Variants in MALL observed in about 807,000 individuals in gnomAD.
The protein encoded by MALL is mal, T cell differentiation protein like.
In MALL, 2 loss-of-function variants were observed where a neutral mutation model predicts 10.3. The ratio of observed to expected loss-of-function variants is 0.19; its 90% CI spans 0.08 to 0.61. The LOEUF is 0.61. Among genes scored for constraint, MALL ranks in the 20% least tolerant of loss-of-function variants. The pLI is 0.88. For synonymous variants in MALL, 27 were observed against 51.8 expected, an observed-to-expected ratio of 0.52 and a Z score of 2.05; for missense variants, 39 against 115.2, an observed-to-expected ratio of 0.34 and a Z score of 3.03.
chr2:110,109,990 A>G (rs1553478253), intron 1 of MALL, among the ~76,000 whole-genome samples: 1 of 152,182 alleles, frequency 6.6e-6, no homozygotes, highest in Non-Finnish European at 1.5e-5. Context: ...AAACAAAATC[A>G]AGAAGGAAAT....
At chr2:110,109,520 T>C (rs1678758029) in intron 1 of MALL, among the ~76,000 whole-genome samples, 1 of 152,102 alleles carries the variant, frequency 6.6e-6, no homozygotes. Flanking sequence ...TAAACATACA[T>C]GCTGCTAACA....
At chr2:110,091,486 TA>T (rs1678361596) in intron 2 of MALL, 116 bp downstream of exon 2, 2 of 1,241,714 alleles carry the variant, frequency 1.6e-6, no homozygotes, top group Non-Finnish European at 2.2e-6. Context: ...AATGGTAAGA[TA>T]AAAAGTCTTG....
intron 1 of MALL, among the ~76,000 whole-genome samples, chr2:110,114,122 C>T (rs1313948025): frequency 6.6e-6 from 1 of 152,126 alleles, no homozygotes; most frequent in Non-Finnish European, 1.5e-5. Context: ...GTTCCAGAAA[C>T]TCCGTGCCTC....
At chr2:110,111,713 C>T (rs970835388) in intron 1 of MALL, among the ~76,000 whole-genome samples, 3 of 151,690 alleles carry the variant, frequency 2.0e-5, no homozygotes, top group Admixed American at 1.3e-4. Flanking sequence ...CATCATTCTT[C>T]ACAGAATTAG....
chr2:110,103,239 T>A (rs1446010017), intron 1 of MALL, among the ~76,000 whole-genome samples: 1 of 152,100 alleles, frequency 6.6e-6, no homozygotes, highest in East Asian at 1.9e-4. Context: ...GGGCTGGCCC[T>A]GTCCAATGGA....
chr2:110,108,128 C>A (rs1025020486), intron 1 of MALL, among the ~76,000 whole-genome samples: 13 of 152,092 alleles, frequency 8.5e-5, no homozygotes, highest in African/African-American at 1.4e-4. Context: ...AAACAAGGAT[C>A]TTCAATACCC....
At chr2:110,106,655 G>A (rs143433755) in intron 1 of MALL, among the ~76,000 whole-genome samples, 188 of 152,272 alleles carry the variant, frequency 1.2e-3, no homozygotes, top group Non-Finnish European at 1.9e-3. Flanking sequence ...CTGGAAAATA[G>A]TTTGTCAGTT....
At chr2:110,114,161 C>T (rs1203933202) in intron 1 of MALL, among the ~76,000 whole-genome samples, 3 of 152,082 alleles carry the variant, frequency 2.0e-5, no homozygotes, top group African/African-American at 7.2e-5. Context: ...TCTCCCCTGG[C>T]CTCTAGGCCT....
intron 1 of MALL, among the ~76,000 whole-genome samples, chr2:110,114,077 G>C (rs564571952): frequency 6.6e-6 from 1 of 152,158 alleles, no homozygotes; most frequent in South Asian, 2.1e-4. Flanking sequence ...CGGCCAACAT[G>C]ACCTCTCATG....
In MALL at chr2:110,105,018, C is replaced by T. The variant is rs117365835; in HGVS notation, c.105+10670G>A. Among the ~76,000 whole-genome samples the T allele has an allele frequency of 1.4e-4, 22 of 152,344 alleles. No individual in the cohort carries two copies. In the East Asian group the frequency reaches 4.0e-3, roughly 28 times the overall value. On this transcript the variant is annotated intron_variant, in intron 1 of 3. Transcript: ENST00000272462. The stretch of plus-strand genomic sequence containing the variant: ...TTATGGAGCACTCACTCACCATGTC[C>T]TGACATTTCCTATGAAGTCCACATT...
intron 1 of MALL, among the ~76,000 whole-genome samples, chr2:110,111,612 T>G (rs1280080509): frequency 6.6e-6 from 1 of 152,152 alleles, no homozygotes; most frequent in African/African-American, 2.4e-5. Flanking sequence ...ACACATCTCA[T>G]GCTCATGGAT....
chr2:110,105,389 C>T (rs1057333572), intron 1 of MALL, among the ~76,000 whole-genome samples: 7 of 152,216 alleles, frequency 4.6e-5, no homozygotes, highest in East Asian at 1.9e-4. Context: ...CATGTTCTCC[C>T]GTCCTTGTTT....
At chr2:110,105,463 G>A (rs1678667258) in intron 1 of MALL, among the ~76,000 whole-genome samples, 1 of 152,212 alleles carries the variant, frequency 6.6e-6, no homozygotes, top group Admixed American at 6.5e-5. Context: ...ACAGAGGTTG[G>A]TGGCTCCCAT....
chr2:110,101,229 T>C (rs1678558001), intron 1 of MALL, among the ~76,000 whole-genome samples: 1 of 152,126 alleles, frequency 6.6e-6, no homozygotes, highest in African/African-American at 2.4e-5. Flanking sequence ...CATCCTCAGT[T>C]ACCCAGTAGG....
At chr2:110,095,744 G>T (rs1202722059) in intron 1 of MALL, among the ~76,000 whole-genome samples, 1 of 151,970 alleles carries the variant, frequency 6.6e-6, no homozygotes, top group Non-Finnish European at 1.5e-5. Flanking sequence ...AAAACACCCA[G>T]ATTGGTGTCC....
At chr2:110,102,008 C>T (rs1335672345) in intron 1 of MALL, among the ~76,000 whole-genome samples, 1 of 152,102 alleles carries the variant, frequency 6.6e-6, no homozygotes, top group African/African-American at 2.4e-5. Flanking sequence ...TGGCCCCCTG[C>T]CCCAGTGTCC....
chr2:110,113,402 C>G (rs1370995299), intron 1 of MALL, among the ~76,000 whole-genome samples: 1 of 137,340 alleles, frequency 7.3e-6, no homozygotes, highest in Non-Finnish European at 1.5e-5. Flanking sequence ...CGCGCCACTG[C>G]ACTCCAGCCT....
chr2:110,099,226 G>A (rs140065145), intron 1 of MALL, among the ~76,000 whole-genome samples: 224 of 152,244 alleles, frequency 1.5e-3, no homozygotes, highest in Non-Finnish European at 2.3e-3. Flanking sequence ...CTTACAGCAC[G>A]AGAACTCAAA....
chr2:110,103,574 G>A (rs563816445), intron 1 of MALL, among the ~76,000 whole-genome samples: 7 of 152,318 alleles, frequency 4.6e-5, no homozygotes, highest in Admixed American at 3.9e-4. Context: ...TGGGAATGGC[G>A]GAGAGAGCCA....
Sources: allele counts gnomAD v4.1 joint callset (sites outside exome capture counted in the v4.1 genomes callset), GRCh38; gene constraint gnomAD v4.1.1; transcripts MANE v1.5; gene names NCBI Gene and HGNC (gene_info 2026-07-23, HGNC 2026-07-21).